The following NBEA variants were observed in gnomAD, a reference collection of about 807,000 sequenced individuals.
NBEA encodes lysosomal-trafficking regulator 2.
Under a neutral mutation model 343.4 loss-of-function variants are expected in NBEA, and 44 were observed. The observed-to-expected ratio is 0.13, with a 90% CI of 0.10 to 0.16. The LOEUF is 0.16. Among genes scored for constraint, NBEA ranks in the 10% least tolerant of loss-of-function variants. The pLI, the probability that NBEA is intolerant of heterozygous loss-of-function variation, is 1.00. For synonymous variants in NBEA, 1,175 were observed against 1,238.7 expected (o/e 0.95, Z 1.08); for missense variants, 2,555 against 3,631.3 (o/e 0.70, Z 7.62).
At chr13:35,248,222 A>G (rs1001280550) in intron 34 of NBEA, among the ~76,000 whole-genome samples, 1 of 152,222 alleles carries the variant, frequency 6.6e-6, no homozygotes, top group African/African-American at 2.4e-5. Context: ...AATACTATAA[A>G]CTGAATTTGG....
At chr13:35,541,725 GGTGT>G (rs3075505) in intron 41 of NBEA, among the ~76,000 whole-genome samples, 25,032 of 145,094 alleles carry the variant, frequency 0.17, 2,167 homozygotes, top group East Asian at 0.31. Context: ...GGTCTGCATG[GGTGT>G]GTGTGTGTGT....
At position 35,124,823 on chromosome 13, in the gene NBEA, G is replaced by GAT. The variant is rs146776547; in HGVS notation, c.2336+1262_2336+1263dup. On this transcript the variant is annotated intron_variant, in intron 17 of 58. Transcript: ENST00000379939. Reference sequence around the variant, plus strand: ...ATGGATATATATACACACACATATGGATATATATATATATGGTATATGGAA... The same window carrying GAT: ...ATGGATATATATACACACACATATGGATATATATATATATATGGTATATGGAA... Among the ~76,000 whole-genome samples, 583 of 149,772 alleles carry GAT rather than the reference G, an allele frequency of 3.9e-3. 3 individuals carry two copies. The highest frequency in any genetic ancestry group is 8.7e-3 in the African/African-American group (357 of 40,944).
At chr13:35,516,421 G>A (rs1011938531) in intron 41 of NBEA, among the ~76,000 whole-genome samples, 3 of 152,034 alleles carry the variant, frequency 2.0e-5, no homozygotes, top group Admixed American at 2.0e-4. Flanking sequence ...CTGTCTCTCT[G>A]TATGCCTATA....
intron 8 of NBEA, among the ~76,000 whole-genome samples, chr13:35,064,448 C>G (rs1345204555): frequency 6.6e-6 from 1 of 152,048 alleles, no homozygotes; most frequent in Non-Finnish European, 1.5e-5. Flanking sequence ...TGTAATTATA[C>G]ATAAAGAACA....
intron 36 of NBEA, among the ~76,000 whole-genome samples, chr13:35,323,265 G>A (rs551537237): frequency 2.6e-5 from 4 of 152,096 alleles, no homozygotes; most frequent in East Asian, 1.9e-4. Context: ...ACATGCACAC[G>A]TATGTTTACT....
intron 41 of NBEA, chr13:35,474,189 TGA>T (rs1292665760): frequency 6.6e-6 from 1 of 152,606 alleles, no homozygotes; most frequent in Non-Finnish European, 1.5e-5. Context: ...CAATTTAAAG[TGA>T]GACACAACAA....
At chr13:34,997,429 CTTA>C (rs201245975) in intron 1 of NBEA, among the ~76,000 whole-genome samples, 3 of 152,042 alleles carry the variant, frequency 2.0e-5, no homozygotes, top group African/African-American at 7.2e-5. Context: ...CTCATTCTTC[CTTA>C]TTATTATTTC....
chr13:34,992,323 C>G (rs1268509130), intron 1 of NBEA, among the ~76,000 whole-genome samples: 1 of 147,918 alleles, frequency 6.8e-6, no homozygotes, highest in Non-Finnish European at 1.5e-5. Flanking sequence ...GGCATGATCT[C>G]GGCTCATTGA....
chr13:35,539,880 C>A (rs2078732906), intron 41 of NBEA, among the ~76,000 whole-genome samples: 1 of 125,342 alleles, frequency 8.0e-6, no homozygotes, highest in South Asian at 2.5e-4. Flanking sequence ...CCTGCCACTG[C>A]ACTCCAGCCT....
At chr13:35,389,214 C>G (rs925731466) in intron 38 of NBEA, among the ~76,000 whole-genome samples, 2 of 151,988 alleles carry the variant, frequency 1.3e-5, no homozygotes, top group Non-Finnish European at 2.9e-5. Flanking sequence ...ATTGTATCAG[C>G]CTGTGGTACT....
intron 17 of NBEA, among the ~76,000 whole-genome samples, chr13:35,140,508 T>C (rs570148035): frequency 1.9e-4 from 29 of 152,292 alleles, no homozygotes; most frequent in Admixed American, 3.9e-4. Flanking sequence ...ATTAGCCCTG[T>C]ATTTTTTTTA....
chr13:35,185,707 A>G (rs777291224), intron 30 of NBEA: 1 of 152,162 alleles, frequency 6.6e-6, no homozygotes, highest in Non-Finnish European at 1.5e-5. Flanking sequence ...TAAACTGAAA[A>G]TAGTTTCAGT....
chr13:35,086,451 C>T (rs2064767558), intron 10 of NBEA, among the ~76,000 whole-genome samples: 2 of 151,858 alleles, frequency 1.3e-5, no homozygotes, highest in African/African-American at 4.8e-5. Context: ...CTCCTGCTAC[C>T]CTGGTACCCT....
At chr13:35,307,298 T>G (rs570452600) in intron 35 of NBEA, among the ~76,000 whole-genome samples, 1 of 152,120 alleles carries the variant, frequency 6.6e-6, no homozygotes, top group East Asian at 1.9e-4. Flanking sequence ...GGCTCAAAAC[T>G]GACAAATTAC....
intron 33 of NBEA, among the ~76,000 whole-genome samples, chr13:35,220,078 C>G (rs919316103): frequency 1.3e-5 from 2 of 152,138 alleles, no homozygotes; most frequent in Admixed American, 6.6e-5. Flanking sequence ...TGATAATCCT[C>G]CACATCGCAG....
intron 1 of NBEA, among the ~76,000 whole-genome samples, chr13:34,956,950 C>T (rs2059513131): frequency 6.6e-6 from 1 of 151,934 alleles, no homozygotes; most frequent in South Asian, 2.1e-4. Context: ...TGCACCCAGC[C>T]AAAAGTAATT....
intron 48 of NBEA, 62 bp downstream of exon 48, chr13:35,606,640 G>T (rs1450549344): frequency 5.7e-5 from 78 of 1,376,252 alleles, no homozygotes; most frequent in Non-Finnish European, 7.5e-5. Flanking sequence ...CTGTAGTTTT[G>T]TTTTGTCCTG....
intron 14 of NBEA, among the ~76,000 whole-genome samples, chr13:35,117,698 A>G (rs1335926821): frequency 6.6e-6 from 1 of 152,006 alleles, no homozygotes; most frequent in Non-Finnish European, 1.5e-5. Flanking sequence ...AAGGGATGTG[A>G]CAGAAATGGA....
At chr13:35,654,749 C>CT (rs2084729617) in intron 53 of NBEA, 106 bp from the exon 54 acceptor site, 1 of 874,092 alleles carries the variant, frequency 1.1e-6, no homozygotes, top group Non-Finnish European at 1.7e-6. Flanking sequence ...ATTAAAAAAA[C>CT]TATTTCTGGA....
Sources: gnomAD v4.1 joint callset for allele counts (sites outside exome capture counted in the v4.1 genomes callset) on GRCh38, gnomAD v4.1.1 for gene constraint, MANE v1.5 for transcripts, NCBI Gene and HGNC (gene_info 2026-07-23, HGNC 2026-07-21) for gene names.